Variants in HORMAD2 observed in about 807,000 individuals in gnomAD.
HORMAD2 encodes HORMA domain-containing protein 2.
In HORMAD2, 45 loss-of-function variants were observed where a neutral mutation model predicts 38.8. That is an observed-to-expected ratio of 1.16 (90% CI 0.91 to 1.49). HORMAD2 has a LOEUF of 1.49. Among genes scored for constraint, HORMAD2 ranks in the 40% most tolerant of loss-of-function variants. The probability of loss-of-function intolerance (pLI) is 0.00; values close to 1 mark genes in which losing one functional copy is unlikely to be tolerated. For missense variants in HORMAD2, 338 were observed against 367.0 expected, an observed-to-expected ratio of 0.92 and a Z score of 0.65; for synonymous variants, 126 against 122.8, an observed-to-expected ratio of 1.03 and a Z score of -0.17.
the HORMAD2 span, among the ~76,000 whole-genome samples, chr22:30,203,878 G>A: frequency 5.3e-5 from 8 of 152,228 alleles, no homozygotes; most frequent in South Asian, 2.1e-4. Context: ...ATGTCCATGC[G>A]TATAGGTTAA....
At chr22:30,113,607 C>A (rs1053666122) in intron 7 of HORMAD2, among the ~76,000 whole-genome samples, 22 of 152,166 alleles carry the variant, frequency 1.4e-4, no homozygotes, top group African/African-American at 5.3e-4. Context: ...ACTTGTGCCA[C>A]TTTGAATGTG....
downstream of HORMAD2, among the ~76,000 whole-genome samples, chr22:30,181,878 A>G (rs2038196837): frequency 6.6e-6 from 1 of 152,248 alleles, no homozygotes; most frequent in Non-Finnish European, 1.5e-5. Flanking sequence ...TTCTGGCTGT[A>G]ATGAGTTCCT....
chr22:30,167,109 T>C (rs1601594260), intron 10 of HORMAD2, among the ~76,000 whole-genome samples: 1 of 152,298 alleles, frequency 6.6e-6, no homozygotes, highest in East Asian at 1.9e-4. Context: ...GTTCTATTCT[T>C]TGCCTCGTCC....
chr22:30,203,687 C>T, the HORMAD2 span, among the ~76,000 whole-genome samples: 1 of 152,182 alleles, frequency 6.6e-6, no homozygotes, highest in African/African-American at 2.4e-5. Flanking sequence ...TGTGAGTATG[C>T]ACACAATCCA....
rs184652348 is a variant in HORMAD2 at position 30,126,638 on chromosome 22, T to G, written c.819+4424T>G. ...TTTGTCTATGATGGATAGAAATGCTTTGAATATTCTGGAACATGTTTTTTA... is the reference window on the plus strand; with the variant it reads ...TTTGTCTATGATGGATAGAAATGCTGTGAATATTCTGGAACATGTTTTTTA... On this transcript the variant is annotated intron_variant, in intron 10 of 10. Transcript: ENST00000336726. Among the ~76,000 whole-genome samples, 407 of 152,348 alleles carry G rather than the reference T, an allele frequency of 2.7e-3. 2 individuals carry two copies. Among genetic ancestry groups the G allele is most frequent in the African/African-American group, 9.4e-3 (391 of 41,586 alleles).
the HORMAD2 span, among the ~76,000 whole-genome samples, chr22:30,200,810 C>T: frequency 6.6e-6 from 1 of 151,470 alleles, no homozygotes; most frequent in African/African-American, 2.4e-5. Context: ...AGTGCAGTGG[C>T]TCGATCTTGG....
intron 5 of HORMAD2, among the ~76,000 whole-genome samples, chr22:30,104,811 G>A (rs1247010542): frequency 2.0e-5 from 3 of 151,968 alleles, no homozygotes; most frequent in Non-Finnish European, 4.4e-5. Flanking sequence ...TTGAATAATT[G>A]GTTTTTATTC....
intron 1 of HORMAD2, among the ~76,000 whole-genome samples, chr22:30,088,055 G>T (rs1049806601): frequency 6.7e-6 from 1 of 149,264 alleles, no homozygotes; most frequent in East Asian, 2.0e-4. Flanking sequence ...ACGTACACAC[G>T]TATACATATA....
intron 10 of HORMAD2, among the ~76,000 whole-genome samples, chr22:30,147,389 T>C (rs913703242): frequency 2.0e-5 from 3 of 151,712 alleles, no homozygotes; most frequent in Non-Finnish European, 4.4e-5. Context: ...TTTTAACTAG[T>C]AGTACTGGAA....
chr22:30,112,569 A>G, intron 7 of HORMAD2, 47 bp downstream of exon 7: 2 of 844,914 alleles, frequency 2.4e-6, no homozygotes, highest in South Asian at 5.5e-5. Flanking sequence ...TGTATATTAT[A>G]TTTTAAGATG....
intron 3 of HORMAD2, among the ~76,000 whole-genome samples, chr22:30,100,724 T>C (rs944942179): frequency 6.6e-6 from 1 of 152,030 alleles, no homozygotes; most frequent in African/African-American, 2.4e-5. Flanking sequence ...ACAAGGAACT[T>C]AAAACAAATT....
chr22:30,138,306 T>C (rs1923813047), intron 10 of HORMAD2, among the ~76,000 whole-genome samples: 2 of 151,086 alleles, frequency 1.3e-5, no homozygotes, highest in African/African-American at 4.9e-5. Flanking sequence ...GCTGGGACCA[T>C]AGGTGTGCAC....
At chr22:30,122,947 A>G (rs1922564819) in intron 10 of HORMAD2, among the ~76,000 whole-genome samples, 1 of 152,198 alleles carries the variant, frequency 6.6e-6, no homozygotes, top group Non-Finnish European at 1.5e-5. Flanking sequence ...GTAGGAAGGG[A>G]TGCTATAAGA....
intron 7 of HORMAD2, 25 bp from the exon 8 acceptor site, chr22:30,118,955 T>G: frequency 3.3e-6 from 5 of 1,511,140 alleles, no homozygotes; most frequent in Non-Finnish European, 4.5e-6. Context: ...TTCTTTTTTT[T>G]CTTTATTTCC....
chr22:30,097,323 T>G (rs1205254694), intron 2 of HORMAD2, among the ~76,000 whole-genome samples: 1 of 152,216 alleles, frequency 6.6e-6, no homozygotes, highest in Non-Finnish European at 1.5e-5. Context: ...CACAAATTCA[T>G]ATATCAGTCG....
chr22:30,204,070 C>T, the HORMAD2 span, among the ~76,000 whole-genome samples: 1 of 152,184 alleles, frequency 6.6e-6, no homozygotes, highest in Non-Finnish European at 1.5e-5. Flanking sequence ...TCCTCTCATA[C>T]ACAAAGCCCT....
the HORMAD2 span, among the ~76,000 whole-genome samples, chr22:30,188,984 A>G: frequency 6.6e-5 from 10 of 151,994 alleles, no homozygotes; most frequent in Admixed American, 6.6e-4. Context: ...AAAAGTACAA[A>G]AATTAGCCTG....
chr22:30,099,064 A>G, intron 3 of HORMAD2, 71 bp downstream of exon 3: 1 of 1,357,656 alleles, frequency 7.4e-7, no homozygotes, highest in South Asian at 1.6e-5. Context: ...TAAACCTTTC[A>G]CGTCTCACAA....
At chr22:30,159,275 G>T (rs548974019) in intron 10 of HORMAD2, among the ~76,000 whole-genome samples, 8 of 152,080 alleles carry the variant, frequency 5.3e-5, no homozygotes, top group African/African-American at 1.9e-4. Flanking sequence ...AGCTAGATTC[G>T]AACTAGCCCT....
Sources: allele counts gnomAD v4.1 joint callset (sites outside exome capture counted in the v4.1 genomes callset), GRCh38; gene constraint gnomAD v4.1.1; transcripts MANE v1.5; gene names NCBI Gene and HGNC (gene_info 2026-07-23, HGNC 2026-07-21).